PARP8: variants seen among roughly 807,000 people sequenced by gnomAD.
PARP8 encodes poly(ADP-ribose) polymerase family member 8.
A neutral mutation model predicts 124.1 loss-of-function variants in PARP8; 51 were observed. That is an observed-to-expected ratio of 0.41 (90% CI 0.33 to 0.52). PARP8 has a LOEUF of 0.52. Among genes scored for constraint, PARP8 ranks in the 20% least tolerant of loss-of-function variants. The pLI is 0.21. For missense variants in PARP8, 860 were observed against 1,018.9 expected (o/e 0.84, Z 2.12); for synonymous variants, 391 against 361.5 (o/e 1.08, Z -0.93).
At chr5:50,806,488 G>A (rs1007175918) in intron 14 of PARP8, among the ~76,000 whole-genome samples, 1 of 151,884 alleles carries the variant, frequency 6.6e-6, no homozygotes, top group African/African-American at 2.4e-5. Flanking sequence ...AATAAATATT[G>A]CTATATTTTT....
chr5:50,698,887 T>C (rs571799265), intron 2 of PARP8, among the ~76,000 whole-genome samples: 38 of 152,332 alleles, frequency 2.5e-4, no homozygotes, highest in Non-Finnish European at 3.8e-4. Context: ...CAAATAAATG[T>C]ATTCAAGACC....
chr5:50,837,376 T>C (rs1580517899), intron 25 of PARP8, among the ~76,000 whole-genome samples: 2 of 152,280 alleles, frequency 1.3e-5, no homozygotes, highest in East Asian at 3.9e-4. Context: ...ATAAAAGATA[T>C]GATCACAGAG....
rs34347134 is a variant in PARP8, at chr5:50,819,427, C to CTTTTTTTTTTTTTTT, written c.1669-1770_1669-1756dup. On this transcript the variant is annotated intron_variant, in intron 15 of 25. Coordinates refer to ENST00000281631, the MANE Select transcript of PARP8 (RefSeq NM_024615.4). ...GTCTCAGAAAAGGCTATTTTATCTT[C>CTTTTTTTTTTTTTTT]TTTTTTTTTTTTTTTTTTTTTTTTT... is the stretch of plus-strand genomic sequence containing the variant. Among the ~76,000 whole-genome samples the CTTTTTTTTTTTTTTT allele has an allele frequency of 2.6e-4, 12 of 46,636 alleles. 1 individual carries two copies. Among genetic ancestry groups the CTTTTTTTTTTTTTTT allele is most frequent in the African/African-American group, 8.5e-4 (9 of 10,566 alleles). 30.6% of individuals were successfully genotyped at this position (46,636 alleles called of 152,430 possible). A position where few individuals can be genotyped will look rare whatever the true frequency, so the allele number is the denominator to read the frequency against.
At chr5:50,781,021 G>T (rs1580320494) in intron 9 of PARP8, among the ~76,000 whole-genome samples, 1 of 151,960 alleles carries the variant, frequency 6.6e-6, no homozygotes, top group Non-Finnish European at 1.5e-5. Context: ...TACATTTTAT[G>T]TAATTATTTA....
In PARP8 at chr5:50,796,403, A is replaced by T. The variant is rs560154894; in HGVS notation, c.1429-579A>T. Among the ~76,000 whole-genome samples, 208 of 152,324 alleles carry T rather than the reference A, an allele frequency of 1.4e-3. 1 individual carries two copies. The highest frequency in any genetic ancestry group is 5.0e-3 in the African/African-American group (206 of 41,584). ...TTTCACATGAGCATCCTAGAAGCCC[A>T]TTCCTACTCAAACATACGTTTTAAG... is the stretch of plus-strand genomic sequence containing the variant. On this transcript the variant is annotated intron_variant, in intron 12 of 25. Transcript: ENST00000281631.
chr5:50,766,070 T>G (rs1761030448), intron 7 of PARP8, among the ~76,000 whole-genome samples: 1 of 152,192 alleles, frequency 6.6e-6, no homozygotes, highest in Non-Finnish European at 1.5e-5. Flanking sequence ...TGAGATTGCC[T>G]AGGCAAAATC....
At chr5:50,761,361 A>G (rs1760522731) in intron 5 of PARP8, among the ~76,000 whole-genome samples, 1 of 152,098 alleles carries the variant, frequency 6.6e-6, no homozygotes, top group Non-Finnish European at 1.5e-5. Flanking sequence ...TATGTTTCAT[A>G]TTTATTTTCA....
intron 10 of PARP8, among the ~76,000 whole-genome samples, chr5:50,789,779 T>C (rs1202775691): frequency 1.3e-5 from 2 of 152,188 alleles, no homozygotes; most frequent in Admixed American, 1.3e-4. Context: ...AGAAAGACCA[T>C]TAGATAATTG....
chr5:50,667,281 A>G (rs1749400304), intron 1 of PARP8, 95 bp downstream of exon 1: 9 of 1,294,114 alleles, frequency 7.0e-6, no homozygotes, highest in Non-Finnish European at 9.9e-6. Flanking sequence ...GGAGGGTTGC[A>G]CGTCCCCATT....
chr5:50,667,572 G>C (rs1169396820), intron 1 of PARP8: 1 of 699,958 alleles, frequency 1.4e-6, no homozygotes, highest in Non-Finnish European at 2.6e-6. Flanking sequence ...CGGCGGCCGG[G>C]AATGGAGCCT....
At chr5:50,791,439 C>T (rs767112538) in intron 10 of PARP8, among the ~76,000 whole-genome samples, 1 of 152,052 alleles carries the variant, frequency 6.6e-6, no homozygotes. Flanking sequence ...GTACTTACAA[C>T]GCATAAACTA....
At chr5:50,713,360 C>A (rs750477766) in intron 2 of PARP8, among the ~76,000 whole-genome samples, 2 of 152,020 alleles carry the variant, frequency 1.3e-5, no homozygotes, top group Non-Finnish European at 2.9e-5. Context: ...CCCACCTCAG[C>A]CCTCCAAGTA....
intron 9 of PARP8, among the ~76,000 whole-genome samples, chr5:50,783,412 T>A (rs1740891912): frequency 6.6e-6 from 1 of 152,132 alleles, no homozygotes; most frequent in Non-Finnish European, 1.5e-5. Flanking sequence ...TATGTGTATA[T>A]CCTTGTCAAA....
chr5:50,830,174 TA>T (rs1159439531), intron 22 of PARP8, among the ~76,000 whole-genome samples: 1 of 152,148 alleles, frequency 6.6e-6, no homozygotes, highest in African/African-American at 2.4e-5. Context: ...TTCATCAATT[TA>T]AAAAAATATT....
At chr5:50,783,740 G>A (rs1484117447) in intron 9 of PARP8, among the ~76,000 whole-genome samples, 4 of 152,138 alleles carry the variant, frequency 2.6e-5, no homozygotes, top group Admixed American at 6.5e-5. Flanking sequence ...AATCTGAGCT[G>A]AGAGCACATA....
At chr5:50,838,723 G>A (rs986756657) in intron 25 of PARP8, among the ~76,000 whole-genome samples, 1 of 151,906 alleles carries the variant, frequency 6.6e-6, no homozygotes, top group African/African-American at 2.4e-5. Flanking sequence ...CCTTACTTCA[G>A]TTACATGCAC....
intron 17 of PARP8, among the ~76,000 whole-genome samples, chr5:50,824,455 A>G: frequency 6.6e-6 from 1 of 152,210 alleles, no homozygotes; most frequent in East Asian, 1.9e-4. Flanking sequence ...GTGAAAAGGC[A>G]AGGAAAAGAA....
chr5:50,717,953 G>A (rs1338219750), intron 2 of PARP8, among the ~76,000 whole-genome samples: 2 of 151,786 alleles, frequency 1.3e-5, no homozygotes, highest in African/African-American at 4.8e-5. Flanking sequence ...AAGGAAAATG[G>A]AAACTAAAAA....
chr5:50,817,658 GA>G (rs1182159221), intron 15 of PARP8, among the ~76,000 whole-genome samples: 1 of 152,150 alleles, frequency 6.6e-6, no homozygotes, highest in Non-Finnish European at 1.5e-5. Context: ...TCTCATCTAA[GA>G]TTTTTTTTAA....
Sources: gnomAD v4.1 joint callset for allele counts (sites outside exome capture counted in the v4.1 genomes callset) on GRCh38, gnomAD v4.1.1 for gene constraint, MANE v1.5 for transcripts, NCBI Gene and HGNC (gene_info 2026-07-23, HGNC 2026-07-21) for gene names.